Variants in ITIH2 observed in about 807,000 individuals in gnomAD.
ITIH2 encodes the protein inter-alpha-trypsin inhibitor heavy chain H2.
Under a neutral mutation model 104.4 loss-of-function variants are expected in ITIH2, and 103 were observed. That is an observed-to-expected ratio of 0.99 (90% confidence interval 0.84 to 1.16). The LOEUF (loss-of-function observed/expected upper bound fraction) is 1.16, where lower values mean the gene tolerates loss of function less well. Among genes scored for constraint, ITIH2 ranks in the 50% most tolerant of loss-of-function variants. The pLI is 0.00. For missense variants in ITIH2, 1,108 were observed against 1,162.4 expected (o/e 0.95, Z 0.68); for synonymous variants, 436 against 435.4 (o/e 1.00, Z -0.02).
rs1013394850 is a variant in ITIH2 at position 7,738,906 on chromosome 10, T to A, written c.2095+148T>A. The A allele has an allele frequency of 1.8e-5, 12 of 662,604 alleles. No homozygotes were observed. The Admixed American group carries it at 3.8e-4, about 21-fold the overall frequency. 41.0% of individuals were successfully genotyped at this position (662,604 alleles called of 1,614,324 possible). On this transcript the variant is annotated intron_variant, in intron 16 of 20. Coordinates refer to ENST00000358415, the MANE Select transcript of ITIH2 (RefSeq NM_002216.3). ...GGCAGGCAGATCACCTGTTTTTCTATAGAAATACAGCTTATTTTGTTTGTT... is the reference window on the plus strand; with the variant it reads ...GGCAGGCAGATCACCTGTTTTTCTAAAGAAATACAGCTTATTTTGTTTGTT...
chr10:7,732,573 G>A, intron 14 of ITIH2, 96 bp downstream of exon 14: 1 of 1,324,352 alleles, frequency 7.6e-7, no homozygotes, highest in Admixed American at 2.0e-5. Flanking sequence ...TTGGAAGCAA[G>A]AAAGACAGCA....
At chr10:7,749,131 T>G in intron 20 of ITIH2, 56 bp from the exon 21 acceptor site, 1 of 1,542,076 alleles carries the variant, frequency 6.5e-7, no homozygotes, top group Non-Finnish European at 8.9e-7. Context: ...AAAGAGGGAG[T>G]CTTGTGTCTA....
chr10:7,713,312 C>T (rs1366671761), intron 5 of ITIH2, 27 bp downstream of exon 5: 1 of 1,553,246 alleles, frequency 6.4e-7, no homozygotes, highest in South Asian at 1.1e-5. Context: ...CAAGGCTTGC[C>T]CTTGCCTCTC....
chr10:7,712,246 G>A (rs1479938529), intron 4 of ITIH2, among the ~76,000 whole-genome samples: 1 of 152,166 alleles, frequency 6.6e-6, no homozygotes, highest in East Asian at 1.9e-4. Flanking sequence ...TTCGTGTCTG[G>A]TGAGGGCCCA....
chr10:7,741,969 C>G (rs1220559035), intron 16 of ITIH2, among the ~76,000 whole-genome samples: 1 of 152,218 alleles, frequency 6.6e-6, no homozygotes. Flanking sequence ...GCCACCTCCT[C>G]CATTCAGCCT....
chr10:7,740,542 G>A (rs942766628), intron 16 of ITIH2, among the ~76,000 whole-genome samples: 1 of 152,150 alleles, frequency 6.6e-6, no homozygotes, highest in African/African-American at 2.4e-5. Flanking sequence ...CTTAAACTGT[G>A]GCTTTGCAAA....
chr10:7,719,781 AAAG>A (rs1422357221), intron 6 of ITIH2, among the ~76,000 whole-genome samples: 2 of 138,258 alleles, frequency 1.4e-5, no homozygotes, highest in Non-Finnish European at 1.6e-5. Flanking sequence ...AAAAAAAAAA[AAAG>A]AAAGAAAGAA....
Position 7,732,334 on chromosome 10 carries a change from C to T in ITIH2, c.1648-4C>T, listed in dbSNP as rs1564303977. ...GTCTCTCAACTGAACCTTCCATCAT[C>T]TAGGCTAACACGCAGTTAGTCTTGG... On this transcript the variant is annotated splice_polypyrimidine_tract_variant and splice_region_variant and intron_variant, in intron 13 of 20. Coordinates refer to ENST00000358415, the MANE Select transcript of ITIH2 (RefSeq NM_002216.3). 6.2e-7 allele frequency: 1 copy of T among 1,611,946 alleles called. No homozygotes were observed. Among genetic ancestry groups the T allele is most frequent in the Non-Finnish European group, 8.5e-7 (1 of 1,178,328 alleles).
At chr10:7,722,340 G>A (rs1208189035) in intron 8 of ITIH2, among the ~76,000 whole-genome samples, 1 of 152,086 alleles carries the variant, frequency 6.6e-6, no homozygotes, top group African/African-American at 2.4e-5. Flanking sequence ...CCTGGATGCT[G>A]TAGTTTCCTG....
At chr10:7,710,130 G>A (rs1335618864) in intron 4 of ITIH2, among the ~76,000 whole-genome samples, 1 of 152,236 alleles carries the variant, frequency 6.6e-6, no homozygotes, top group Non-Finnish European at 1.5e-5. Flanking sequence ...GGGATTACAG[G>A]CGTGAGCCAC....
intron 19 of ITIH2, among the ~76,000 whole-genome samples, chr10:7,745,702 T>C (rs919328552): frequency 2.0e-5 from 3 of 151,890 alleles, no homozygotes; most frequent in African/African-American, 7.2e-5. Context: ...GCTATGACTG[T>C]GCCACTGTGC....
chr10:7,734,687 C>T (rs1183283574), intron 14 of ITIH2, among the ~76,000 whole-genome samples: 1 of 152,130 alleles, frequency 6.6e-6, no homozygotes, highest in Non-Finnish European at 1.5e-5. Flanking sequence ...AGGGCGAGAC[C>T]TTGTCTCAAA....
chr10:7,718,649 T>C (rs1834873680), intron 6 of ITIH2, among the ~76,000 whole-genome samples: 1 of 152,136 alleles, frequency 6.6e-6, no homozygotes, highest in Admixed American at 6.5e-5. Flanking sequence ...TAGTACCTGA[T>C]AGGTAGTTTT....
intron 20 of ITIH2, 57 bp downstream of exon 20, chr10:7,746,761 C>A: frequency 1.9e-6 from 2 of 1,062,254 alleles, no homozygotes; most frequent in Non-Finnish European, 2.9e-6. Context: ...ATTAGACCCA[C>A]ACAGCAAAAT....
At chr10:7,736,742 A>G (rs1184018391) in intron 15 of ITIH2, among the ~76,000 whole-genome samples, 1 of 152,168 alleles carries the variant, frequency 6.6e-6, no homozygotes, top group Non-Finnish European at 1.5e-5. Context: ...TCATGTATTC[A>G]TGGGTAAGTA....
chr10:7,727,978 G>A (rs1834967367), intron 11 of ITIH2, 150 bp downstream of exon 11: 3 of 914,330 alleles, frequency 3.3e-6, no homozygotes, highest in African/African-American at 3.3e-5. Context: ...TTCTGATCCT[G>A]CAGCCCTCAC....
intron 15 of ITIH2, among the ~76,000 whole-genome samples, chr10:7,736,823 G>C (rs1323115307): frequency 6.6e-6 from 1 of 152,192 alleles, no homozygotes; most frequent in Non-Finnish European, 1.5e-5. Context: ...TGTATGGGCA[G>C]AAGTCCTGAT....
chr10:7,709,002 T>C lies in ITIH2; in HGVS notation c.193-20T>C, dbSNP rs779262431. 11 of 1,608,500 alleles carry C rather than the reference T, an allele frequency of 6.8e-6. No homozygotes were observed. In the South Asian group the frequency reaches 8.8e-5, roughly 13 times the overall value. ...TGTGATTTTTCTATCAGTACAGTTATGCTTTCTTGCCAATTTCAGGAAGAG... is the reference window on the plus strand; with the variant it reads ...TGTGATTTTTCTATCAGTACAGTTACGCTTTCTTGCCAATTTCAGGAAGAG... On this transcript the variant is annotated intron_variant, in intron 3 of 20. Transcript: ENST00000358415.
rs934531215 is a variant in ITIH2, at chr10:7,707,012, T to C, written c.160-189T>C. The stretch of plus-strand genomic sequence containing the variant: ...CCACCAGAACTGGTTGAGAAACTTA[T>C]TGAGAAACTCACCAGTGGGAAAATA... On this transcript the variant is annotated intron_variant, in intron 2 of 20. Coordinates refer to ENST00000358415, the MANE Select transcript of ITIH2 (RefSeq NM_002216.3). 6.6e-5 allele frequency among the ~76,000 whole-genome samples: 10 copies of C among 152,220 alleles called. 1 individual carries two copies. Among genetic ancestry groups the C allele is most frequent in the Admixed American group, 1.3e-4 (2 of 15,286 alleles).
Sources: gnomAD v4.1 joint callset for allele counts (sites outside exome capture counted in the v4.1 genomes callset) on GRCh38, gnomAD v4.1.1 for gene constraint, MANE v1.5 for transcripts, NCBI Gene and HGNC (gene_info 2026-07-23, HGNC 2026-07-21) for gene names.